Variants in CPEB1 observed in about 807,000 individuals in gnomAD.
The protein encoded by CPEB1 is cytoplasmic polyadenylation element-binding protein 1.
CPEB1 carries 7 observed loss-of-function variants against 65.8 expected under a neutral mutation model. That is an observed-to-expected ratio of 0.11 (90% CI 0.06 to 0.20). CPEB1 has a LOEUF of 0.20. CPEB1 is among the 10% of genes least tolerant of loss of function. The pLI is 1.00. For synonymous variants in CPEB1, 262 were observed against 260.0 expected (o/e 1.01, Z -0.08); for missense variants, 551 against 712.2 (o/e 0.77, Z 2.58).
intron 12 of CPEB1, 59 bp from the exon 13 acceptor site, chr15:82,544,761 C>T (rs1199925606): frequency 7.8e-7 from 1 of 1,286,706 alleles, no homozygotes; most frequent in Non-Finnish European, 1.1e-6. Context: ...GACACAGGAG[C>T]TGTTGCACGA....
At chr15:82,639,840 C>T (rs1417025994) in intron 1 of CPEB1, among the ~76,000 whole-genome samples, 1 of 148,586 alleles carries the variant, frequency 6.7e-6, no homozygotes, top group East Asian at 1.9e-4. Flanking sequence ...CAGACACACA[C>T]GCGCAAACAC....
chr15:82,645,509 A>ATAAAT (rs2047430711), intron 1 of CPEB1, among the ~76,000 whole-genome samples: 1 of 152,038 alleles, frequency 6.6e-6, no homozygotes, highest in Non-Finnish European at 1.5e-5. Flanking sequence ...TCCAAATCCT[A>ATAAAT]CTTCTATAAA....
intron 4 of CPEB1, among the ~76,000 whole-genome samples, chr15:82,563,807 T>C (rs1416653915): frequency 1.3e-5 from 2 of 152,194 alleles, no homozygotes; most frequent in Admixed American, 6.5e-5. Context: ...GTATAACTTC[T>C]ATAAATTTGA....
At chr15:82,608,938 T>C (rs2043878369) in intron 3 of CPEB1, among the ~76,000 whole-genome samples, 1 of 152,156 alleles carries the variant, frequency 6.6e-6, no homozygotes, top group African/African-American at 2.4e-5. Context: ...GACCATATGT[T>C]AGTTAGGCCA....
At chr15:82,610,236 T>C (rs948539793) in intron 3 of CPEB1, among the ~76,000 whole-genome samples, 2 of 152,104 alleles carry the variant, frequency 1.3e-5, no homozygotes, top group Admixed American at 6.6e-5. Flanking sequence ...TCCCAGAGAA[T>C]AGTCCAAGAC....
At chr15:82,562,415 G>A (rs2038382771) in intron 4 of CPEB1, 1 of 305,344 alleles carries the variant, frequency 3.3e-6, no homozygotes, top group East Asian at 8.3e-5. Flanking sequence ...ATCCCCAGGA[G>A]ATGTGTATAC....
At chr15:82,647,564 G>T (rs1195550362), upstream of CPEB1, 2 of 308,968 alleles carry the variant, frequency 6.5e-6, no homozygotes, top group African/African-American at 2.2e-5. Flanking sequence ...ACAGACGCTC[G>T]AGGCCGCCTG....
At chr15:82,569,148 C>T (rs2039627554) in intron 4 of CPEB1, among the ~76,000 whole-genome samples, 1 of 152,200 alleles carries the variant, frequency 6.6e-6, no homozygotes, top group Non-Finnish European at 1.5e-5. Context: ...ATGTGGGCTG[C>T]ATGTTCCCGC....
chr15:82,563,357 C>CTT (rs71453394), intron 4 of CPEB1, among the ~76,000 whole-genome samples: 30,155 of 91,976 alleles, frequency 0.33, 6,056 homozygotes, highest in East Asian at 0.53. Context: ...CATCTCTATT[C>CTT]TTTTTTTTTT....
chr15:82,616,864 A>C (rs2044763483), intron 3 of CPEB1, among the ~76,000 whole-genome samples: 1 of 152,346 alleles, frequency 6.6e-6, no homozygotes, highest in African/African-American at 2.4e-5. Flanking sequence ...TTGAGACATA[A>C]CTGACATATA....
At chr15:82,584,124 C>T (rs961393692) in intron 3 of CPEB1, among the ~76,000 whole-genome samples, 2 of 151,650 alleles carry the variant, frequency 1.3e-5, no homozygotes, top group Admixed American at 6.6e-5. Flanking sequence ...CCAGGCATGG[C>T]GGTGGGCGCC....
chr15:82,620,105 A>G (rs1034862925), intron 3 of CPEB1, among the ~76,000 whole-genome samples: 3 of 152,206 alleles, frequency 2.0e-5, no homozygotes, highest in African/African-American at 7.2e-5. Context: ...GATGAAACTC[A>G]CAGCTAAAGA....
At chr15:82,574,746 A>AAAAAAAAAAAAAAAAAAAAC (rs2040467891) in intron 3 of CPEB1, among the ~76,000 whole-genome samples, 1 of 139,950 alleles carries the variant, frequency 7.1e-6, no homozygotes, top group African/African-American at 2.6e-5. Flanking sequence ...AAAAAAAAAA[A>AAAAAAAAAAAAAAAAAAAAC]AAAAATCATA....
chr15:82,640,619 A>C (rs1186189201), intron 1 of CPEB1: 1 of 152,140 alleles, frequency 6.6e-6, no homozygotes, highest in East Asian at 1.9e-4. Flanking sequence ...AAAAGGAAGA[A>C]ATTGGTTCTG....
At chr15:82,602,564 G>A (rs1248522182) in intron 3 of CPEB1, among the ~76,000 whole-genome samples, 12 of 152,110 alleles carry the variant, frequency 7.9e-5, no homozygotes, top group Admixed American at 4.6e-4. Context: ...ATATAAAATC[G>A]GCCGGGCGCG....
chr15:82,564,351 T>C (rs1204320028), intron 4 of CPEB1, among the ~76,000 whole-genome samples: 1 of 152,178 alleles, frequency 6.6e-6, no homozygotes, highest in African/African-American at 2.4e-5. Context: ...GGTGGCGTGA[T>C]CTCAGCTCAC....
At chr15:82,599,475 A>G (rs1043600561) in intron 3 of CPEB1, among the ~76,000 whole-genome samples, 2 of 152,222 alleles carry the variant, frequency 1.3e-5, no homozygotes, top group Admixed American at 1.3e-4. Context: ...TCATCTTAAA[A>G]GCATCTGAAA....
intron 3 of CPEB1, among the ~76,000 whole-genome samples, chr15:82,618,228 A>G (rs1042586828): frequency 6.6e-6 from 1 of 152,142 alleles, no homozygotes; most frequent in African/African-American, 2.4e-5. Context: ...TCAGTTATTC[A>G]ACATCCCTGC....
At chr15:82,638,604 G>C (rs183489921) in intron 1 of CPEB1, 1 of 152,046 alleles carries the variant, frequency 6.6e-6, no homozygotes, top group African/African-American at 2.4e-5. Flanking sequence ...AATACCCAAA[G>C]TTGAATAACC....
Sources: gnomAD v4.1 joint callset for allele counts (sites outside exome capture counted in the v4.1 genomes callset) on GRCh38, gnomAD v4.1.1 for gene constraint, MANE v1.5 for transcripts, NCBI Gene and HGNC (gene_info 2026-07-23, HGNC 2026-07-21) for gene names.